Variants in TMCO4 observed in about 807,000 individuals in gnomAD.
The protein encoded by TMCO4 is transmembrane and coiled-coil domain-containing protein 4.
A neutral mutation model predicts 64.7 loss-of-function variants in TMCO4; 58 were observed. The ratio of observed to expected loss-of-function variants is 0.90; its 90% CI spans 0.73 to 1.12. TMCO4 has a LOEUF of 1.12. Ranked by LOEUF, TMCO4 falls within the 50% of genes most tolerant of loss-of-function variation. TMCO4 has a pLI of 0.00. For missense variants in TMCO4, 780 were observed against 825.9 expected (o/e 0.94, Z 0.68); for synonymous variants, 325 against 346.1 (o/e 0.94, Z 0.68).
intron 4 of TMCO4, among the ~76,000 whole-genome samples, chr1:19,778,974 G>C (rs185680705): frequency 1.3e-5 from 2 of 152,278 alleles, no homozygotes; most frequent in African/African-American, 4.8e-5. Context: ...CCCTGGTCTG[G>C]AGGACAGATA....
intron 7 of TMCO4, 100 bp from the exon 8 acceptor site, chr1:19,747,360 C>G: frequency 9.9e-7 from 1 of 1,009,070 alleles, no homozygotes; most frequent in East Asian, 2.4e-5. Context: ...TGCTGGGTAG[C>G]TACTCTGCCA....
chr1:19,725,764 G>A (rs1272429897), intron 13 of TMCO4, among the ~76,000 whole-genome samples: 2 of 152,226 alleles, frequency 1.3e-5, no homozygotes, highest in African/African-American at 4.8e-5. Context: ...TGCATGTTTT[G>A]TCTTGGTTTT....
At chr1:19,692,467 T>C (rs942686803) in intron 15 of TMCO4, among the ~76,000 whole-genome samples, 8 of 151,268 alleles carry the variant, frequency 5.3e-5, no homozygotes, top group African/African-American at 1.9e-4. Flanking sequence ...TGGTGGCTCA[T>C]GCCTATAATC....
chr1:19,770,707 G>A, intron 5 of TMCO4, 138 bp from the exon 6 acceptor site: 1 of 807,814 alleles, frequency 1.2e-6, no homozygotes, highest in Non-Finnish European at 2.0e-6. Flanking sequence ...ACGTGAGCCA[G>A]ATGATAAACA....
At chr1:19,686,347 T>TA (rs759338613) in intron 15 of TMCO4, among the ~76,000 whole-genome samples, 2 of 152,046 alleles carry the variant, frequency 1.3e-5, no homozygotes, top group Non-Finnish European at 2.9e-5. Flanking sequence ...GCTTTCTTTT[T>TA]AAAAAAAGGA....
In TMCO4 at chr1:19,721,608, G is replaced by T. The variant is rs1425667430; in HGVS notation, c.1264+15764C>A. On this transcript the variant is annotated intron_variant, in intron 13 of 15. Transcript: ENST00000294543. The stretch of plus-strand genomic sequence containing the variant: ...GTTCGAGACCAGTCTAGGCAACATG[G>T]CGAAACCCTGTCTCTTCAAAAAATG... Among the ~76,000 whole-genome samples the T allele has an allele frequency of 2.0e-5, 3 of 152,056 alleles. No individual in the cohort carries two copies. In the East Asian group the frequency reaches 5.8e-4, roughly 29 times the overall value.
At chr1:19,749,645 GGT>G (rs2100903553) in intron 7 of TMCO4, among the ~76,000 whole-genome samples, 1 of 152,308 alleles carries the variant, frequency 6.6e-6, no homozygotes, top group East Asian at 1.9e-4. Context: ...TGGGACTACA[GGT>G]GTGAGCCACC....
chr1:19,700,787 TC>T lies in TMCO4; in HGVS notation c.1362del (p.Ile455SerfsTer12). On this transcript the variant is annotated frameshift_variant, in exon 14 of 16. Transcript: ENST00000294543. LOFTEE classifies it high-confidence loss of function. ...ACAGACCTGCAGTAGCCGTTGATGA[TC>T]CTCCCGGACACCACCTTCCGGAAAG... ...WEPFRKVVSG[R>X]IINGYCRGDW... 6.2e-7 allele frequency: 1 copy of T among 1,614,172 alleles called. No individual in the cohort carries two copies. Among genetic ancestry groups the T allele is most frequent in the Non-Finnish European group, 8.5e-7 (1 of 1,180,008 alleles).
chr1:19,744,913 A>T (rs751345134), intron 10 of TMCO4, among the ~76,000 whole-genome samples: 1 of 152,134 alleles, frequency 6.6e-6, no homozygotes, highest in Non-Finnish European at 1.5e-5. Flanking sequence ...TCACCACTGA[A>T]TTCCTAAGAC....
At chr1:19,764,549 T>A (rs904247238) in intron 6 of TMCO4, among the ~76,000 whole-genome samples, 2 of 152,148 alleles carry the variant, frequency 1.3e-5, no homozygotes, top group Admixed American at 1.3e-4. Flanking sequence ...GGATACGGAT[T>A]ATAAACTGTA....
intron 13 of TMCO4, among the ~76,000 whole-genome samples, chr1:19,709,291 G>C (rs1051961210): frequency 1.3e-5 from 2 of 152,006 alleles, no homozygotes; most frequent in African/African-American, 2.4e-5. Flanking sequence ...CCCGGCGGGG[G>C]GGGGGGACCC....
At chr1:19,751,449 T>C (rs1272533942) in intron 7 of TMCO4, among the ~76,000 whole-genome samples, 1 of 151,828 alleles carries the variant, frequency 6.6e-6, no homozygotes. Flanking sequence ...ATAAAAAAAT[T>C]AGCCGGGCAT....
intron 6 of TMCO4, among the ~76,000 whole-genome samples, chr1:19,762,599 T>C (rs2042555509): frequency 6.6e-6 from 1 of 152,236 alleles, no homozygotes; most frequent in Admixed American, 6.5e-5. Flanking sequence ...TCGTACTTCA[T>C]TATCGAACAC....
intron 15 of TMCO4, among the ~76,000 whole-genome samples, chr1:19,689,094 A>G (rs1033356848): frequency 1.3e-5 from 2 of 152,194 alleles, no homozygotes; most frequent in African/African-American, 2.4e-5. Context: ...TGGTTGGCCC[A>G]GCAGGGAGAA....
intron 6 of TMCO4, among the ~76,000 whole-genome samples, chr1:19,768,703 T>C (rs1475427623): frequency 6.6e-6 from 1 of 152,118 alleles, no homozygotes; most frequent in Non-Finnish European, 1.5e-5. Flanking sequence ...GGAATTAAAA[T>C]ACTTTGGATA....
intron 2 of TMCO4, 111 bp downstream of exon 2, chr1:19,798,026 A>G (rs1162633963): frequency 1.1e-5 from 2 of 181,054 alleles, no homozygotes; most frequent in African/African-American, 2.4e-5. Context: ...AAGGAGAAAG[A>G]AGAAAATGGG....
At chr1:19,740,976 T>C in intron 10 of TMCO4, 35 bp from the exon 11 acceptor site, 1 of 1,561,188 alleles carries the variant, frequency 6.4e-7, no homozygotes, top group Non-Finnish European at 8.7e-7. Flanking sequence ...GTCTCTCTTG[T>C]CTATGGCAGA....
At chr1:19,762,640 G>C (rs966266090) in intron 6 of TMCO4, among the ~76,000 whole-genome samples, 3 of 152,204 alleles carry the variant, frequency 2.0e-5, no homozygotes, top group Non-Finnish European at 4.4e-5. Context: ...CAGCACCCTG[G>C]GAACTTGGCC....
At chr1:19,741,848 T>G (rs946719909) in intron 10 of TMCO4, among the ~76,000 whole-genome samples, 1 of 151,654 alleles carries the variant, frequency 6.6e-6, no homozygotes, top group Non-Finnish European at 1.5e-5. Context: ...GTGATTCTCC[T>G]GCCTCAGCCT....
Sources: allele counts gnomAD v4.1 joint callset (sites outside exome capture counted in the v4.1 genomes callset), GRCh38; gene constraint gnomAD v4.1.1; transcripts MANE v1.5; gene names NCBI Gene and HGNC (gene_info 2026-07-23, HGNC 2026-07-21).